Variants in PDE4A observed in about 807,000 individuals in gnomAD.
PDE4A encodes the protein 3',5'-cyclic-AMP phosphodiesterase 4A.
In PDE4A, 21 loss-of-function variants were observed where a neutral mutation model predicts 73.9. The ratio of observed to expected loss-of-function variants is 0.28; its 90% CI spans 0.20 to 0.41. PDE4A has a LOEUF of 0.41. Among genes scored for constraint, PDE4A ranks in the 10% least tolerant of loss-of-function variants. The probability of loss-of-function intolerance (pLI) is 1.00; values close to 1 mark genes in which losing one functional copy is unlikely to be tolerated. For missense variants in PDE4A, 958 were observed against 1,211.4 expected (o/e 0.79, Z 3.10); for synonymous variants, 463 against 505.4 (o/e 0.92, Z 1.13).
intron 1 of PDE4A, among the ~76,000 whole-genome samples, chr19:10,435,209 G>A (rs897558433): frequency 6.6e-6 from 1 of 152,114 alleles, no homozygotes; most frequent in Non-Finnish European, 1.5e-5. Context: ...GGAAGGCCTA[G>A]GGGCCACGTG....
At chr19:10,452,208 G>A (rs939018763) in intron 6 of PDE4A, among the ~76,000 whole-genome samples, 2 of 151,980 alleles carry the variant, frequency 1.3e-5, no homozygotes, top group Non-Finnish European at 2.9e-5. Flanking sequence ...GGGAGGCCAA[G>A]GCGGGCGGAT....
intron 4 of PDE4A, among the ~76,000 whole-genome samples, chr19:10,450,244 GGCTGAGA>G (rs1417419635): frequency 6.6e-6 from 1 of 152,176 alleles, no homozygotes; most frequent in Non-Finnish European, 1.5e-5. Flanking sequence ...CAAGAGATGT[GGCTGAGA>G]GCTGCCAGTC....
At chr19:10,456,525 CA>C (rs1170935035) in intron 7 of PDE4A, among the ~76,000 whole-genome samples, 9 of 145,088 alleles carry the variant, frequency 6.2e-5, no homozygotes, top group East Asian at 3.9e-4. Context: ...GACTCCATCT[CA>C]AAAAAAAAAT....
chr19:10,447,190 G>A (rs1424911661), intron 2 of PDE4A, among the ~76,000 whole-genome samples: 5 of 140,526 alleles, frequency 3.6e-5, no homozygotes, highest in South Asian at 2.3e-4. Context: ...ATGAGCCACC[G>A]CGCCTGGCCT....
intron 4 of PDE4A, chr19:10,450,391 G>T (rs1362119882): frequency 3.2e-6 from 2 of 618,028 alleles, no homozygotes; most frequent in Admixed American, 1.3e-4. Flanking sequence ...TCTTGAAGAA[G>T]CTGTTTCACC....
At chr19:10,433,958 T>A (rs2042829703) in intron 1 of PDE4A, among the ~76,000 whole-genome samples, 1 of 152,064 alleles carries the variant, frequency 6.6e-6, no homozygotes, top group Admixed American at 6.6e-5. Flanking sequence ...AGGCCGGGCG[T>A]GGTGGCTCAT....
At chr19:10,457,446 G>GGGGCC in intron 7 of PDE4A, among the ~76,000 whole-genome samples, 1 of 71,558 alleles carries the variant, frequency 1.4e-5, no homozygotes, top group Admixed American at 1.5e-4. Context: ...GGGGGGGGGG[G>GGGGCC]CAGGGACATG....
chr19:10,446,282 C>G lies in PDE4A; in HGVS notation c.385C>G (p.Pro129Ala). 1 of 1,608,582 alleles carries G rather than the reference C, an allele frequency of 6.2e-7. No homozygotes were observed. Among genetic ancestry groups the G allele is most frequent in the South Asian group, 1.1e-5 (1 of 90,328 alleles). ...CAGCCCCCTGGACTCGCAGGCGAGC[C>G]CAGGACTCGTGCTGCACGCCGGGGC... ...GRSPLDSQAS[P>A]GLVLHAGAAT... is the part of the protein sequence containing the mutation. Residue 129 changes from proline to alanine, a missense_variant, in exon 2 of 15, where the codon CCA becomes GCA. Around this residue, in one of 3 missense-constraint regions of PDE4A, gnomAD observed 570 missense variants for 827.7 expected, o/e 0.69. Transcript: ENST00000380702.
chr19:10,450,631 G>C lies in PDE4A; in HGVS notation c.649G>C (p.Val217Leu). 6.2e-7 allele frequency: 1 copy of C among 1,610,010 alleles called. No individual in the cohort carries two copies. Among genetic ancestry groups the C allele is most frequent in the Non-Finnish European group, 8.5e-7 (1 of 1,178,724 alleles). ...GTCCCCGCTGGGCGGCCCCACCCCT[G>C]TCTGCAAGGCCACGCTGTCAGGTAG... ...KRSPLGGPTP[V>L]CKATLSEETC... The change falls in exon 5 of 15, where the codon GTC (valine) becomes CTC (leucine). Residue 217 changes from valine to leucine, a missense_variant. Val to Leu is a conservative substitution (Grantham distance 32). Coordinates refer to ENST00000380702, the MANE Select transcript of PDE4A (RefSeq NM_001111307.2).
In PDE4A at chr19:10,432,672, A is replaced by G. The variant is rs562477164; in HGVS notation, c.320+11588A>G. 6.3e-4 allele frequency: 734 copies of G among 1,159,598 alleles called. 1 individual carries two copies. The highest frequency in any genetic ancestry group is 2.2e-3 in the Admixed American group (65 of 29,130). The allele number at this position is 1,159,598 out of a possible 1,614,324, so 71.8% of individuals were successfully genotyped here. On this transcript the variant is annotated intron_variant, in intron 1 of 14. Coordinates refer to ENST00000380702, the MANE Select transcript of PDE4A (RefSeq NM_001111307.2). Reference sequence around the variant, plus strand: ...TGAGTCTACCTGGGTGAGTCCCCTAAGTGGCTTCCAGGATCTGGCTGGGGC... The same window carrying G: ...TGAGTCTACCTGGGTGAGTCCCCTAGGTGGCTTCCAGGATCTGGCTGGGGC...
intron 6 of PDE4A, among the ~76,000 whole-genome samples, chr19:10,454,186 C>G (rs929663338): frequency 2.0e-5 from 3 of 152,078 alleles, no homozygotes; most frequent in African/African-American, 7.2e-5. Flanking sequence ...ATGATGAGAA[C>G]CCCCCTCCCC....
chr19:10,424,233 G>C lies in PDE4A; in HGVS notation c.320+3149G>C, dbSNP rs1415125081. On this transcript the variant is annotated intron_variant, in intron 1 of 14. Coordinates refer to ENST00000380702, the MANE Select transcript of PDE4A (RefSeq NM_001111307.2). The surrounding 1 kb of genome is among the most constrained non-coding windows in gnomAD (Gnocchi z 4.8). ...AGGGAGGAAGAGGAGGACTTTGGTG[G>C]TGGGGGTGGGGAGCTGTCTGAACTG... is the stretch of plus-strand genomic sequence containing the variant. Among the ~76,000 whole-genome samples, 1 of 152,238 alleles carries C rather than the reference G, an allele frequency of 6.6e-6. No homozygotes were observed. The highest frequency in any genetic ancestry group is 2.4e-5 in the African/African-American group (1 of 41,452).
chr19:10,423,481 CCAAACTCACA>C (rs2042677058), intron 1 of PDE4A, among the ~76,000 whole-genome samples: 1 of 152,030 alleles, frequency 6.6e-6, no homozygotes, highest in Non-Finnish European at 1.5e-5. Context: ...TCTTTCTCAC[CCAAACTCACA>C]CAACCAGGAG....
At position 10,459,446 on chromosome 19, in the gene PDE4A, C is replaced by T; in HGVS notation, c.1148C>T (p.Ser383Leu). 1.9e-6 allele frequency: 3 copies of T among 1,614,150 alleles called. No homozygotes were observed. Among genetic ancestry groups the T allele is most frequent in the South Asian group, 1.1e-5 (1 of 91,074 alleles). ...TGGGGCCTGAACATCTTTTGCGTGT[C>T]GGATTACGCTGGAGGCCGCTCACTC... is the stretch of plus-strand genomic sequence containing the variant. ...NKWGLNIFCVSDYAGGRSLTC... is the reference protein window; with the variant it reads ...NKWGLNIFCVLDYAGGRSLTC... The change falls in exon 9 of 15, where the codon TCG (serine) becomes TTG (leucine). Residue 383 changes from serine to leucine, a missense_variant. Physicochemically the swap from Ser to Leu is moderately radical, Grantham distance 145. Around this residue, in one of 3 missense-constraint regions of PDE4A, gnomAD observed 570 missense variants for 827.7 expected, o/e 0.69. Transcript: ENST00000380702.
At chr19:10,462,577 C>G (rs987187182) in intron 13 of PDE4A, among the ~76,000 whole-genome samples, 33 of 152,202 alleles carry the variant, frequency 2.2e-4, no homozygotes, top group African/African-American at 7.7e-4. Flanking sequence ...CTGTCTTGGC[C>G]TGCCAAAGTG....
chr19:10,450,886 A>T lies in PDE4A; in HGVS notation c.728A>T (p.Glu243Val). ...CTGGAGGAGCTGGACTGGTGTCTGG[A>T]GCAGCTGGAGACCATGCAGACCTAT... ...ETLEELDWCL[E>V]QLETMQTYRS... Residue 243 changes from glutamate to valine, a missense_variant, in exon 6 of 15, where the codon GAG (glutamate) becomes GTG (valine). Glu to Val is a moderately radical substitution (Grantham distance 121). Coordinates refer to ENST00000380702, the MANE Select transcript of PDE4A (RefSeq NM_001111307.2). 6.2e-7 allele frequency: 1 copy of T among 1,611,786 alleles called. No homozygotes were observed. The highest frequency in any genetic ancestry group is 8.5e-7 in the Non-Finnish European group (1 of 1,179,056).
intron 1 of PDE4A, among the ~76,000 whole-genome samples, chr19:10,436,835 T>C (rs1599415970): frequency 6.6e-6 from 1 of 151,410 alleles, no homozygotes; most frequent in Non-Finnish European, 1.5e-5. Context: ...AGGTCAGGAG[T>C]TCGAGACTGG....
intron 1 of PDE4A, among the ~76,000 whole-genome samples, chr19:10,428,401 A>ATATT (rs1429521938): frequency 1.3e-5 from 2 of 151,556 alleles, no homozygotes; most frequent in Non-Finnish European, 2.9e-5. Context: ...AGATATTGAG[A>ATATT]GAGAGAGAGA....
rs201432982 is a variant in PDE4A at position 10,420,933 on chromosome 19, C to T, written c.169C>T (p.Arg57Trp). Reference protein sequence around the residue: ...GYSDSAERAERERQPHRPIER... With the variant: ...GYSDSAERAEWERQPHRPIER... Reference sequence around the variant, plus strand: ...CTCCGACAGCGCGGAGCGCGCCGAGCGGGAGCGGCAGCCGCACCGGCCCAT... The same window carrying T: ...CTCCGACAGCGCGGAGCGCGCCGAGTGGGAGCGGCAGCCGCACCGGCCCAT... The change falls in exon 1 of 15, where the codon CGG becomes TGG. Residue 57 changes from arginine (R) to tryptophan (W), a missense_variant. Around this residue, in one of 3 missense-constraint regions of PDE4A, gnomAD observed 145 missense variants for 137.8 expected, o/e 1.05. Transcript: ENST00000380702. This position sits in a 1 kb window ranked among gnomAD's most constrained non-coding sequence, Gnocchi z 6.0. The T allele has an allele frequency of 3.3e-3, 5,125 of 1,574,874 alleles. 88 individuals are homozygous for T. In the East Asian group the frequency reaches 0.042, roughly 13 times the overall value.
Sources: gnomAD v4.1 joint callset for allele counts (sites outside exome capture counted in the v4.1 genomes callset) on GRCh38, gnomAD v4.1.1 for gene constraint, gnomAD v4.1.1 regional missense constraint, Gnocchi (gnomAD v3.1) non-coding constraint, MANE v1.5 for transcripts, NCBI Gene and HGNC (gene_info 2026-07-23, HGNC 2026-07-21) for gene names.